Variants in DIAPH3 observed in about 807,000 individuals in gnomAD.
DIAPH3 encodes the protein diaphanous related formin 3.
A neutral mutation model predicts 144.3 loss-of-function variants in DIAPH3; 117 were observed. That is an observed-to-expected ratio of 0.81 (90% CI 0.70 to 0.95). The LOEUF (loss-of-function observed/expected upper bound fraction) is 0.95. DIAPH3 is among the 40% of genes least tolerant of loss of function. The pLI is 0.00. For synonymous variants in DIAPH3, 519 were observed against 488.9 expected (o/e 1.06, Z -0.81); for missense variants, 1,421 against 1,412.7 (o/e 1.01, Z -0.09).
chr13:60,007,396 A>AT (rs60507285), intron 9 of DIAPH3, among the ~76,000 whole-genome samples: 99,164 of 151,844 alleles, frequency 0.65, 33,036 homozygotes, highest in African/African-American at 0.74. Flanking sequence ...TTTTCACTTT[A>AT]TTTTTTTATT....
chr13:59,707,402 C>A (rs563253247), intron 27 of DIAPH3, among the ~76,000 whole-genome samples: 1 of 152,046 alleles, frequency 6.6e-6, no homozygotes, highest in Admixed American at 6.6e-5. Flanking sequence ...AATGTGAAAG[C>A]TCACAGAAAT....
chr13:60,074,271 T>C (rs1439457112), intron 4 of DIAPH3, among the ~76,000 whole-genome samples: 1 of 152,212 alleles, frequency 6.6e-6, no homozygotes, highest in Non-Finnish European at 1.5e-5. Flanking sequence ...TCTACTAAAC[T>C]GTGAGCTCTC....
chr13:59,959,200 A>G (rs1355395809), intron 17 of DIAPH3, among the ~76,000 whole-genome samples: 2 of 152,160 alleles, frequency 1.3e-5, no homozygotes, highest in Admixed American at 6.5e-5. Flanking sequence ...TGTGAATAGA[A>G]TAAATGATTT....
chr13:59,797,612 A>G (rs1350025424), intron 25 of DIAPH3, among the ~76,000 whole-genome samples: 1 of 152,232 alleles, frequency 6.6e-6, no homozygotes, highest in African/African-American at 2.4e-5. Context: ...CAGCAAAATA[A>G]ACGAATGCAG....
At chr13:60,056,436 T>G (rs2056561724) in intron 4 of DIAPH3, among the ~76,000 whole-genome samples, 1 of 151,746 alleles carries the variant, frequency 6.6e-6, no homozygotes, top group Non-Finnish European at 1.5e-5. Context: ...ACACACATAC[T>G]CATGTACATA....
intron 17 of DIAPH3, among the ~76,000 whole-genome samples, chr13:59,931,338 T>C (rs1231052936): frequency 6.6e-6 from 1 of 152,164 alleles, no homozygotes; most frequent in Admixed American, 6.5e-5. Flanking sequence ...CTTTCAGGCT[T>C]GACTAGCTGT....
intron 17 of DIAPH3, among the ~76,000 whole-genome samples, chr13:59,930,156 C>T (rs1219270424): frequency 6.6e-6 from 1 of 152,016 alleles, no homozygotes; most frequent in Non-Finnish European, 1.5e-5. Context: ...ATTTTGTATA[C>T]ATGTTTTATA....
At chr13:59,829,458 ATAGGCAAG>A (rs1472978618) in intron 24 of DIAPH3, among the ~76,000 whole-genome samples, 1 of 151,908 alleles carries the variant, frequency 6.6e-6, no homozygotes, top group Non-Finnish European at 1.5e-5. Context: ...CTATGTAATG[ATAGGCAAG>A]TCAGGATCTC....
chr13:59,963,067 GA>G (rs1032686400), intron 17 of DIAPH3, among the ~76,000 whole-genome samples: 8 of 152,078 alleles, frequency 5.3e-5, no homozygotes, highest in Non-Finnish European at 1.2e-4. Flanking sequence ...CCCAAGTTAA[GA>G]ATCCTGGGAT....
At chr13:60,143,553 T>C (rs17057703) in intron 1 of DIAPH3, among the ~76,000 whole-genome samples, 8,105 of 152,276 alleles carry the variant, frequency 0.053, 311 homozygotes, top group Admixed American at 0.098. Context: ...AAGATCCATA[T>C]AGGCATCACC....
chr13:60,159,943 C>T (rs527967885), intron 1 of DIAPH3, among the ~76,000 whole-genome samples: 2 of 151,676 alleles, frequency 1.3e-5, no homozygotes, highest in South Asian at 2.1e-4. Context: ...ATCTCAAAAC[C>T]GGCCAGGCGC....
intron 4 of DIAPH3, among the ~76,000 whole-genome samples, chr13:60,084,504 T>C (rs2057685470): frequency 6.6e-6 from 1 of 151,914 alleles, no homozygotes; most frequent in Non-Finnish European, 1.5e-5. Context: ...CTACTAAATA[T>C]ATCTACTAAA....
At chr13:59,936,884 C>A (rs1005201286) in intron 17 of DIAPH3, among the ~76,000 whole-genome samples, 3 of 152,166 alleles carry the variant, frequency 2.0e-5, no homozygotes, top group African/African-American at 7.2e-5. Flanking sequence ...ATTTGTCCAG[C>A]TGGGCACGGT....
At chr13:60,027,059 T>A (rs1469530258) in intron 5 of DIAPH3, among the ~76,000 whole-genome samples, 2 of 152,242 alleles carry the variant, frequency 1.3e-5, no homozygotes, top group Non-Finnish European at 2.9e-5. Context: ...ATTTACATTC[T>A]TCTGTCAGAG....
chr13:59,865,443 C>T (rs558881303), intron 21 of DIAPH3, among the ~76,000 whole-genome samples: 2 of 152,098 alleles, frequency 1.3e-5, no homozygotes, highest in Non-Finnish European at 2.9e-5. Context: ...TTAAAAATAT[C>T]TTCAGGTTAA....
chr13:60,134,019 G>A (rs1328181796), intron 1 of DIAPH3, among the ~76,000 whole-genome samples: 1 of 152,172 alleles, frequency 6.6e-6, no homozygotes, highest in East Asian at 1.9e-4. Context: ...TCATGCTCAT[G>A]AATCTACCTC....
At chr13:60,039,507 T>C (rs1283183490) in intron 5 of DIAPH3, among the ~76,000 whole-genome samples, 1 of 152,116 alleles carries the variant, frequency 6.6e-6, no homozygotes, top group Non-Finnish European at 1.5e-5. Context: ...TTTCACCATG[T>C]TGGCCAGACT....
rs190417330 is a variant in DIAPH3 at position 60,046,224 on chromosome 13, C to T, written c.496-3404G>A. On this transcript the variant is annotated intron_variant, in intron 4 of 27. Transcript: ENST00000400324. ...ACATCCCTAAAGAGATGAGTTCAGG[C>T]ATCCAAAAATCTTAATGCTTTAGTT... Among the ~76,000 whole-genome samples, 4 of 152,232 alleles carry T rather than the reference C, an allele frequency of 2.6e-5. No homozygotes were observed. The East Asian group carries it at 7.7e-4, about 29-fold the overall frequency.
chr13:60,044,521 C>T (rs2055923718), intron 4 of DIAPH3, among the ~76,000 whole-genome samples: 1 of 152,122 alleles, frequency 6.6e-6, no homozygotes. Flanking sequence ...ACATATTCAA[C>T]TTGTACCAAC....
Sources: allele counts gnomAD v4.1 joint callset (sites outside exome capture counted in the v4.1 genomes callset), GRCh38; gene constraint gnomAD v4.1.1; transcripts MANE v1.5; gene names NCBI Gene and HGNC (gene_info 2026-07-23, HGNC 2026-07-21).